The following RTL9 variants were observed in gnomAD, a reference collection of about 807,000 sequenced individuals.
The protein encoded by RTL9 is retrotransposon Gag like 9.
Under a neutral mutation model 44.7 loss-of-function variants are expected in RTL9, and 19 were observed. The ratio of observed to expected loss-of-function variants is 0.42; its 90% CI spans 0.30 to 0.62. The LOEUF (loss-of-function observed/expected upper bound fraction) is 0.62, where lower values mean the gene tolerates loss of function less well. Among genes scored for constraint, RTL9 ranks in the 20% least tolerant of loss-of-function variants. The pLI is 0.16. For missense variants in RTL9, 1,105 were observed against 1,080.6 expected (o/e 1.02, Z -0.32); for synonymous variants, 407 against 398.9 (o/e 1.02, Z -0.24).
At chrX:110,397,636 G>A (rs1024574561) in intron 1 of RTL9, among the ~76,000 whole-genome samples, 7 of 110,996 alleles carry the variant, frequency 6.3e-5, no homozygotes, top group African/African-American at 1.6e-4. Context: ...AGCAGAGGGG[G>A]AGGGAGAGAA....
chrX:110,431,486 T>G (rs2068796318), intron 1 of RTL9, among the ~76,000 whole-genome samples: 1 of 110,138 alleles, frequency 9.1e-6, no homozygotes, highest in Admixed American at 9.7e-5. Flanking sequence ...GGGTTTTTCT[T>G]TATATAAACA....
chrX:110,378,742 A>G (rs942710122), intron 1 of RTL9, among the ~76,000 whole-genome samples: 3 of 111,696 alleles, frequency 2.7e-5, no homozygotes. Flanking sequence ...GACACATGCC[A>G]CCAATTTCAT....
At chrX:110,372,957 T>C (rs897941641) in intron 1 of RTL9, among the ~76,000 whole-genome samples, 1 of 112,120 alleles carries the variant, frequency 8.9e-6, no homozygotes, top group African/African-American at 3.2e-5. Flanking sequence ...CATTTATTAT[T>C]TAAAAGCAGA....
chrX:110,379,075 T>C (rs925315369), intron 1 of RTL9, among the ~76,000 whole-genome samples: 1 of 112,130 alleles, frequency 8.9e-6, no homozygotes, highest in African/African-American at 3.2e-5. Flanking sequence ...TTTGGAGACC[T>C]TTCCCTGATT....
intron 1 of RTL9, among the ~76,000 whole-genome samples, chrX:110,386,383 C>G (rs1384555282): frequency 1.8e-5 from 2 of 108,964 alleles, no homozygotes; most frequent in African/African-American, 6.6e-5. Flanking sequence ...AGCCATCCTA[C>G]TGTGTGTAAA....
upstream of RTL9, among the ~76,000 whole-genome samples, chrX:110,447,591 T>G (rs1478734745): frequency 9.0e-6 from 1 of 110,785 alleles, no homozygotes; most frequent in Non-Finnish European, 1.9e-5. Flanking sequence ...ATTATTATTA[T>G]TTTATGTGAC....
upstream of RTL9, among the ~76,000 whole-genome samples, chrX:110,415,319 T>A (rs966926729): frequency 3.6e-5 from 4 of 112,654 alleles, no homozygotes; most frequent in African/African-American, 1.3e-4. Flanking sequence ...AGTTTTTCCC[T>A]ATGACTACAG....
At chrX:110,442,403 A>G (rs925233400) in intron 1 of RTL9, among the ~76,000 whole-genome samples, 5 of 111,320 alleles carry the variant, frequency 4.5e-5, no homozygotes, top group Admixed American at 1.9e-4. Flanking sequence ...CTCTGTCTGC[A>G]GTCTGAATTT....
exon 1 of RTL9, chrX:110,451,190 C>T: frequency 2.5e-6 from 3 of 1,211,692 alleles, no homozygotes; most frequent in Non-Finnish European, 3.4e-6. Context: ...AGGCAATGTC[C>T]ACACCATTAA....
upstream of RTL9, among the ~76,000 whole-genome samples, chrX:110,447,944 C>T (rs1203056056): frequency 9.0e-6 from 1 of 111,711 alleles, no homozygotes; most frequent in Non-Finnish European, 1.9e-5. Flanking sequence ...GTAAACCTTT[C>T]TGCTAGCTCT....
chrX:110,427,716 C>A (rs2068764294), intron 1 of RTL9, among the ~76,000 whole-genome samples: 1 of 112,278 alleles, frequency 8.9e-6, no homozygotes. Context: ...GTCCAAACTC[C>A]TTAGCTTGGC....
intron 1 of RTL9, among the ~76,000 whole-genome samples, chrX:110,366,697 A>G (rs1219277509): frequency 9.0e-6 from 1 of 111,588 alleles, no homozygotes; most frequent in Non-Finnish European, 1.9e-5. Flanking sequence ...TGAATAACAG[A>G]CATCCAATCG....
chrX:110,390,058 T>C (rs1230013148), intron 1 of RTL9, among the ~76,000 whole-genome samples: 1 of 111,785 alleles, frequency 8.9e-6, no homozygotes, highest in East Asian at 2.8e-4. Context: ...AGATACAAAC[T>C]TGACCCAATG....
intron 1 of RTL9, among the ~76,000 whole-genome samples, chrX:110,371,643 G>A (rs968719864): frequency 6.3e-5 from 7 of 111,294 alleles, no homozygotes; most frequent in African/African-American, 2.3e-4. Flanking sequence ...CTGGAGATCA[G>A]AGACAGGTTA....
At chrX:110,440,371 G>A (rs1250408003) in intron 1 of RTL9, 1 of 112,437 alleles carries the variant, frequency 8.9e-6, no homozygotes, top group East Asian at 2.8e-4. Context: ...CCAATGCCTT[G>A]CTGAAACCTG....
intron 1 of RTL9, among the ~76,000 whole-genome samples, chrX:110,439,220 T>G (rs2068861761): frequency 8.9e-6 from 1 of 111,939 alleles, no homozygotes; most frequent in Admixed American, 9.4e-5. Context: ...CCAGAGACAA[T>G]GTCCTCTCTC....
intron 1 of RTL9, among the ~76,000 whole-genome samples, chrX:110,421,226 T>C (rs904083364): frequency 8.9e-6 from 1 of 112,622 alleles, no homozygotes; most frequent in East Asian, 2.8e-4. Flanking sequence ...AGGATTTAAC[T>C]CTTTTCATGC....
rs752859177 is a variant in RTL9, at chrX:110,367,218, TA to T, written c.-168+8308del. ...TTCATTGAACAACATCTTCAATGTTTAAAAAATCTGTTCTCTTCACCCAAGT... is the reference window on the plus strand; with the variant it reads ...TTCATTGAACAACATCTTCAATGTTTAAAAATCTGTTCTCTTCACCCAAGT... On this transcript the variant is annotated intron_variant, in intron 1 of 2. Transcript: ENST00000520821. Among the ~76,000 whole-genome samples, 3 of 112,095 alleles carry T rather than the reference TA, an allele frequency of 2.7e-5. No individual in the cohort carries two copies. The South Asian group carries it at 1.1e-3, about 42-fold the overall frequency.
rs2068947862 is a variant in RTL9, at chrX:110,452,264, G to A, written c.1647G>A (p.Met549Ile). 5.0e-6 allele frequency: 6 copies of A among 1,211,909 alleles called. No individual in the cohort carries two copies. Among genetic ancestry groups the A allele is most frequent in the Non-Finnish European group, 6.7e-6 (6 of 895,558 alleles). The stretch of plus-strand genomic sequence containing the variant: ...TGAGAGCCCCTGTCTCTGAAGCAAT[G>A]TCCATGCCACAAATGAGAACCATGG... Residue 549 changes from methionine to isoleucine, a missense_variant, in exon 1 of 2, where the codon ATG (methionine) becomes ATA (isoleucine). By Grantham distance (10) the Met-to-Ile change is conservative (BLOSUM62 1). Coordinates refer to ENST00000540313, the Ensembl canonical transcript of RTL9.
Sources: gnomAD v4.1 joint callset for allele counts (sites outside exome capture counted in the v4.1 genomes callset) on GRCh38, gnomAD v4.1.1 for gene constraint, MANE v1.5 for transcripts, NCBI Gene and HGNC (gene_info 2026-07-23, HGNC 2026-07-21) for gene names.